CELF2: variants seen among roughly 807,000 people sequenced by gnomAD.
The protein encoded by CELF2 is CUGBP Elav-like family member 2, also known as CUG triplet repeat RNA-binding protein 2.
Under a neutral mutation model 62.6 loss-of-function variants are expected in CELF2, and 8 were observed. The ratio of observed to expected loss-of-function variants is 0.13; its 90% CI spans 0.07 to 0.23. The LOEUF is 0.23. CELF2 is among the 10% of genes least tolerant of loss of function. The pLI, the probability that CELF2 is intolerant of heterozygous loss-of-function variation, is 1.00. For synonymous variants in CELF2, 258 were observed against 250.0 expected (o/e 1.03, Z -0.30); for missense variants, 333 against 671.0 (o/e 0.50, Z 5.56).
At chr10:11,137,187 G>A (rs2060575204) in intron 1 of CELF2, among the ~76,000 whole-genome samples, 1 of 152,126 alleles carries the variant, frequency 6.6e-6, no homozygotes, top group Admixed American at 6.5e-5. Flanking sequence ...AGAGCTTTTT[G>A]GATCATTTGA....
At chr10:11,263,368 C>A (rs1302587937) in intron 5 of CELF2, among the ~76,000 whole-genome samples, 1 of 151,902 alleles carries the variant, frequency 6.6e-6, no homozygotes, top group Non-Finnish European at 1.5e-5. Flanking sequence ...GAGTAATATA[C>A]ATGTTGTCTT....
At chr10:10,950,110 G>A (rs918819945) in intron 2 of CELF2, among the ~76,000 whole-genome samples, 1 of 152,210 alleles carries the variant, frequency 6.6e-6, no homozygotes, top group Non-Finnish European at 1.5e-5. Flanking sequence ...CAAGAGGCGA[G>A]TTGAGGGTTT....
Position 11,165,866 on chromosome 10 carries a change from C to T in CELF2, c.271+184C>T, listed in dbSNP as rs569996911. On this transcript the variant is annotated intron_variant, in intron 2 of 12. Coordinates refer to ENST00000633077, the MANE Select transcript of CELF2 (RefSeq NM_001326342.2). This position sits in a 1 kb window ranked among gnomAD's most constrained non-coding sequence, Gnocchi z 7.4. ...TCCTCCCCGCACCCCCGCCCGCCTG[C>T]CCGCCGGGACAGGTTGGAGGCGGGA... 6.6e-6 allele frequency among the ~76,000 whole-genome samples: 1 copy of T among 152,324 alleles called. No individual in the cohort carries two copies. The highest frequency in any genetic ancestry group is 2.1e-4 in the South Asian group (1 of 4,830).
chr10:11,187,000 T>A (rs529202514), intron 2 of CELF2, among the ~76,000 whole-genome samples: 1 of 152,190 alleles, frequency 6.6e-6, no homozygotes, highest in East Asian at 1.9e-4. Context: ...TCCATGTGCA[T>A]CTCAAAAGAA....
At chr10:10,473,176 G>A in the CELF2 span, among the ~76,000 whole-genome samples, 1 of 151,978 alleles carries the variant, frequency 6.6e-6, no homozygotes, top group Admixed American at 6.6e-5. Context: ...ACAGGAGTAA[G>A]CTGGGCCCCT....
chr10:11,261,499 C>A (rs2080574079), intron 5 of CELF2, among the ~76,000 whole-genome samples: 1 of 152,110 alleles, frequency 6.6e-6, no homozygotes, highest in African/African-American at 2.4e-5. Flanking sequence ...ACTCAGCGGC[C>A]CCAGCCCATG....
At chr10:11,106,351 C>G (rs759541501) in intron 1 of CELF2, among the ~76,000 whole-genome samples, 1 of 152,134 alleles carries the variant, frequency 6.6e-6, no homozygotes, top group South Asian at 2.1e-4. Flanking sequence ...ATTCTCCTGC[C>G]TCAGCCTCCC....
chr10:10,787,209 G>T, the CELF2 span, among the ~76,000 whole-genome samples: 1 of 148,704 alleles, frequency 6.7e-6, no homozygotes, highest in East Asian at 2.1e-4. Flanking sequence ...TGGGAAGAAA[G>T]CCCTTAAGGT....
intron 1 of CELF2, among the ~76,000 whole-genome samples, chr10:10,910,269 C>T (rs6602461): frequency 0.86 from 130,384 of 152,174 alleles, 55,936 homozygotes; most frequent in South Asian, 0.94. Flanking sequence ...GCTTAGAGCA[C>T]AATAATTCAG....
rs1210910327 is a variant in CELF2 at position 11,010,444 on chromosome 10, G to T, written c.53+5004G>T. 6.6e-6 allele frequency among the ~76,000 whole-genome samples: 1 copy of T among 152,172 alleles called. No homozygotes were observed. Among genetic ancestry groups the T allele is most frequent in the Non-Finnish European group, 1.5e-5 (1 of 68,034 alleles). On this transcript the variant is annotated intron_variant, in intron 1 of 12. Coordinates refer to the CELF2 transcript ENST00000416382. The surrounding 1 kb of genome is among the most constrained non-coding windows in gnomAD (Gnocchi z 4.1). ...CCGTTGTAGGTTTTAACAAAGATAG[G>T]GGTGGGGGTGTTGAAATAAGGAATA...
intron 1 of CELF2, among the ~76,000 whole-genome samples, chr10:10,847,527 A>AG (rs1180321180): frequency 6.6e-6 from 1 of 152,218 alleles, no homozygotes; most frequent in African/African-American, 2.4e-5. Flanking sequence ...ACATGATTGG[A>AG]GGCAAGCACG....
At chr10:10,524,478 T>G in the CELF2 span, among the ~76,000 whole-genome samples, 1 of 151,222 alleles carries the variant, frequency 6.6e-6, no homozygotes, top group Non-Finnish European at 1.5e-5. Flanking sequence ...GATTGAGTTA[T>G]GGGGACTGTG....
the CELF2 span, among the ~76,000 whole-genome samples, chr10:10,734,760 A>C: frequency 1.3e-5 from 2 of 152,192 alleles, no homozygotes; most frequent in African/African-American, 4.8e-5. Flanking sequence ...TTGTAAGCAT[A>C]TGGCCCTTTC....
the CELF2 span, among the ~76,000 whole-genome samples, chr10:10,593,488 C>A: frequency 7.2e-5 from 11 of 152,146 alleles, no homozygotes; most frequent in African/African-American, 2.7e-4. Context: ...TCTTTTCTTG[C>A]TTTGTACTTC....
intron 1 of CELF2, among the ~76,000 whole-genome samples, chr10:11,147,122 C>A (rs765373474): frequency 4.6e-5 from 7 of 152,136 alleles, no homozygotes; most frequent in Non-Finnish European, 1.0e-4. Flanking sequence ...CTCCCTTGTG[C>A]CTGCCAGGCT....
intron 1 of CELF2, among the ~76,000 whole-genome samples, chr10:11,044,371 C>G (rs1170630682): frequency 6.6e-6 from 1 of 152,178 alleles, no homozygotes; most frequent in African/African-American, 2.4e-5. Context: ...GTTAAATGAA[C>G]AGGTTATTTT....
At chr10:11,236,894 AAG>A (rs1356719859) in intron 3 of CELF2, among the ~76,000 whole-genome samples, 1 of 152,212 alleles carries the variant, frequency 6.6e-6, no homozygotes, top group Non-Finnish European at 1.5e-5. Flanking sequence ...ATTCCACTAG[AAG>A]AGAGAGTGAT....
intron 11 of CELF2, among the ~76,000 whole-genome samples, chr10:11,324,000 G>C (rs2095594009): frequency 6.6e-6 from 1 of 151,936 alleles, no homozygotes; most frequent in Admixed American, 6.6e-5. Context: ...GGAAAAATTG[G>C]GGGATCTATG....
At chr10:10,529,683 CAAAAAAAAAAAA>C in the CELF2 span, among the ~76,000 whole-genome samples, 9 of 65,458 alleles carry the variant, frequency 1.4e-4, no homozygotes, top group African/African-American at 5.1e-4. Context: ...GACTCCATCT[CAAAAAAAAAAAA>C]AAAAAAAAAA....
Sources: gnomAD v4.1 joint callset for allele counts (sites outside exome capture counted in the v4.1 genomes callset) on GRCh38, gnomAD v4.1.1 for gene constraint, Gnocchi (gnomAD v3.1) non-coding constraint, MANE v1.5 for transcripts, NCBI Gene and HGNC (gene_info 2026-07-23, HGNC 2026-07-21) for gene names.